The following LILRB4 variants were observed in gnomAD, a reference collection of about 807,000 sequenced individuals.
LILRB4 encodes the protein leukocyte immunoglobulin like receptor B4, also known as leukocyte immunoglobulin-like receptor subfamily B member 4.
A neutral mutation model predicts 55.2 loss-of-function variants in LILRB4; 49 were observed. The observed-to-expected ratio is 0.89, with a 90% CI of 0.71 to 1.13. The LOEUF is 1.13. Among genes scored for constraint, LILRB4 ranks in the 50% most tolerant of loss-of-function variants. LILRB4 has a pLI of 0.00. For synonymous variants in LILRB4, 229 were observed against 213.8 expected, an observed-to-expected ratio of 1.07 and a Z score of -0.62; for missense variants, 590 against 555.2, an observed-to-expected ratio of 1.06 and a Z score of -0.63.
In LILRB4 at chr19:54,665,750, G is replaced by C. The variant is rs2065234424; in HGVS notation, c.758-65G>C. ...AAGAAAGACCCAGCACACACAGTAGGTGCACACACAGTAGGTGTGCACATC... is the reference window on the plus strand; with the variant it reads ...AAGAAAGACCCAGCACACACAGTAGCTGCACACACAGTAGGTGTGCACATC... On this transcript the variant is annotated intron_variant, in intron 6 of 11. Transcript: ENST00000430952. This position sits in a 1 kb window ranked among gnomAD's most constrained non-coding sequence, Gnocchi z 5.5. 1.3e-5 allele frequency: 20 copies of C among 1,537,876 alleles called. No individual in the cohort carries two copies. Among genetic ancestry groups the C allele is most frequent in the Non-Finnish European group, 1.7e-5 (19 of 1,133,530 alleles).
At position 54,664,818 on chromosome 19, in the gene LILRB4, G is replaced by T. The variant is rs766981226; in HGVS notation, c.675G>T (p.Arg225Ser). 19 of 1,606,352 alleles carry T rather than the reference G, an allele frequency of 1.2e-5. No individual in the cohort carries two copies. In the Admixed American group the frequency reaches 1.7e-4, roughly 14 times the overall value. The change falls in exon 5 of 12, where the codon AGG (arginine) becomes AGT (serine). Residue 225 changes from arginine to serine, a missense_variant. Arg to Ser is a moderately radical substitution (Grantham distance 110, BLOSUM62 -1). Transcript: ENST00000430952. The stretch of plus-strand genomic sequence containing the variant: ...ACCCAGGATCCTTGGAGGGTCCCAG[G>T]CCCTCACCCACAAGGTCCGTCTCAA...
rs1568636895 is a variant in LILRB4, at chr19:54,663,081, AGG to A, written c.34+18_34+19del. 4.4e-6 allele frequency: 7 copies of A among 1,605,834 alleles called. No individual in the cohort carries two copies. The highest frequency in any genetic ancestry group is 1.7e-4 in the Middle Eastern group (1 of 6,006). On this transcript the variant is annotated intron_variant, in intron 1 of 11. Coordinates refer to ENST00000430952, the Ensembl canonical transcript of LILRB4. ...TGCTCTGCCTCGGTGAGATTTAAAG[AGG>A]GGGAGGGGAGACCCGAGTCTTGGAG...
chr19:54,666,380 C>T lies in LILRB4; in HGVS notation c.951-19C>T. 4.3e-6 allele frequency: 7 copies of T among 1,613,724 alleles called. No homozygotes were observed. Among genetic ancestry groups the T allele is most frequent in the Non-Finnish European group, 5.9e-6 (7 of 1,179,694 alleles). On this transcript the variant is annotated intron_variant, in intron 8 of 11. Transcript: ENST00000430952. This position sits in a 1 kb window ranked among gnomAD's most constrained non-coding sequence, Gnocchi z 4.8. ...ACAGCCACCTCACTGTCCCCTTACACTCCCGTATCCTCCCCCAGGTCCAGC... is the reference window on the plus strand; with the variant it reads ...ACAGCCACCTCACTGTCCCCTTACATTCCCGTATCCTCCCCCAGGTCCAGC...
Position 54,666,612 on chromosome 19 carries a change from T to A in LILRB4, c.989-85T>A. 1.3e-6 allele frequency: 2 copies of A among 1,494,606 alleles called. No individual in the cohort carries two copies. Among genetic ancestry groups the A allele is most frequent in the Non-Finnish European group, 1.8e-6 (2 of 1,081,660 alleles). 92.6% of individuals were successfully genotyped at this position (1,494,606 alleles called of 1,614,324 possible). ...GCCCCTCCCTGCGTTGCAGTGGCAC[T>A]AATGGGAACAGGGCAGGGACCAGCA... On this transcript the variant is annotated intron_variant, in intron 9 of 11. Coordinates refer to ENST00000430952, the Ensembl canonical transcript of LILRB4. This position sits in a 1 kb window ranked among gnomAD's most constrained non-coding sequence, Gnocchi z 4.8.
At position 54,666,534 on chromosome 19, in the gene LILRB4, G is replaced by C. The variant is rs1194568442; in HGVS notation, c.988+98G>C. ...GGAGCACAGGCTAGGATTGGTCAGG[G>C]ACTCAGGGAGAAGTGGTCTGAACCC... On this transcript the variant is annotated intron_variant, in intron 9 of 11. Coordinates refer to ENST00000430952, the Ensembl canonical transcript of LILRB4. The surrounding 1 kb of genome is among the most constrained non-coding windows in gnomAD (Gnocchi z 4.8). 1 of 1,503,878 alleles carries C rather than the reference G, an allele frequency of 6.6e-7. No individual in the cohort carries two copies. Among genetic ancestry groups the C allele is most frequent in the South Asian group, 1.2e-5 (1 of 83,882 alleles). 93.2% of individuals were successfully genotyped at this position (1,503,878 alleles called of 1,614,324 possible). A position where few individuals can be genotyped will look rare whatever the true frequency, so the allele number is the denominator to read the frequency against.
intron 4 of LILRB4, 115 bp from the exon 5 acceptor site, chr19:54,664,684 G>A (rs1363055138): frequency 8.7e-6 from 9 of 1,038,436 alleles, no homozygotes; most frequent in Admixed American, 7.8e-5. Context: ...GGTGCCAGGT[G>A]GACAGAGAAA....
intron 1 of LILRB4, 98 bp from the exon 2 acceptor site, chr19:54,663,434 A>G (rs2065100139): frequency 3.1e-6 from 4 of 1,291,962 alleles, no homozygotes; most frequent in Admixed American, 4.5e-5. Flanking sequence ...TGACAGCGAG[A>G]CTCCGTCTCA....
chr19:54,664,970 A>T, intron 5 of LILRB4, 121 bp downstream of exon 5: 1 of 1,356,166 alleles, frequency 7.4e-7, no homozygotes, highest in East Asian at 2.4e-5. Flanking sequence ...CGGGTGTGGG[A>T]GTCGGGCAGC....
At position 54,664,537 on chromosome 19, in the gene LILRB4, T is replaced by G. The variant is rs749125773; in HGVS notation, c.655+52T>G. 2.0e-6 allele frequency: 3 copies of G among 1,527,864 alleles called. No individual in the cohort carries two copies. The Admixed American group carries it at 5.7e-5, about 29-fold the overall frequency. 94.6% of individuals were successfully genotyped at this position (1,527,864 alleles called of 1,614,324 possible). ...GAGCTCAGTGGCTCCGTTCATGCCC[T>G]GCTGCCAGGAGAGCTCTGGGCAGGG... On this transcript the variant is annotated intron_variant, in intron 4 of 11. Coordinates refer to ENST00000430952, the Ensembl canonical transcript of LILRB4.
intron 1 of LILRB4, among the ~76,000 whole-genome samples, chr19:54,663,295 A>G (rs2065089358): frequency 6.6e-6 from 1 of 151,572 alleles, no homozygotes; most frequent in Admixed American, 6.6e-5. Context: ...AAATACAAAA[A>G]ATTAGCCGGG....
chr19:54,668,253 A>C, exon 12 of LILRB4: 1 of 519,104 alleles, frequency 1.9e-6, no homozygotes, highest in Non-Finnish European at 3.4e-6. Flanking sequence ...TGATAAAACA[A>C]AACAGAAGTC....
exon 3 of LILRB4, chr19:54,663,859 G>T: frequency 1.2e-6 from 2 of 1,614,126 alleles, no homozygotes; most frequent in South Asian, 2.2e-5. Context: ...CGGGAGTACC[G>T]TCTGGATAAA....
In LILRB4 at chr19:54,666,482, C is replaced by T. The variant is rs770118339; in HGVS notation, c.988+46C>T. The stretch of plus-strand genomic sequence containing the variant: ...GTGCACCTGGGGTGGAGCTGGGGGT[C>T]CCAAAATTTCAATAGCAATGGGGGC... On this transcript the variant is annotated intron_variant, in intron 9 of 11. Transcript: ENST00000430952. The surrounding 1 kb of genome is among the most constrained non-coding windows in gnomAD (Gnocchi z 4.8). 10 of 1,604,528 alleles carry T rather than the reference C, an allele frequency of 6.2e-6. No individual in the cohort carries two copies. The South Asian group carries it at 8.9e-5, about 14-fold the overall frequency.
chr19:54,663,395 A>G lies in LILRB4; in HGVS notation c.35-137A>G, dbSNP rs549654197. 1.2e-3 allele frequency: 1,567 copies of G among 1,303,184 alleles called. 3 individuals are homozygous for G. Among genetic ancestry groups the G allele is most frequent in the Middle Eastern group, 2.2e-3 (8 of 3,562 alleles). 80.7% of individuals were successfully genotyped at this position (1,303,184 alleles called of 1,614,324 possible). A position where few individuals can be genotyped will look rare whatever the true frequency, so the allele number is the denominator to read the frequency against. On this transcript the variant is annotated intron_variant, in intron 1 of 11. Coordinates refer to ENST00000430952, the Ensembl canonical transcript of LILRB4. Reference sequence around the variant, plus strand: ...CGGGAGGCGGAGCTTGCAGTGAGCCAAGATCGCACCACCGCACTCCAGCCT... The same window carrying G: ...CGGGAGGCGGAGCTTGCAGTGAGCCGAGATCGCACCACCGCACTCCAGCCT...
chr19:54,667,471 C>T (rs1229073146), intron 10 of LILRB4, 164 bp from the exon 11 acceptor site: 2 of 1,376,992 alleles, frequency 1.5e-6, no homozygotes, highest in Non-Finnish European at 9.7e-7. Context: ...GAGCAGAGAC[C>T]AGAACCACAG....
Position 54,663,653 on chromosome 19 carries a change from T to G in LILRB4, c.70+86T>G, listed in dbSNP as rs780478488. 4.4e-5 allele frequency: 71 copies of G among 1,610,682 alleles called. No individual in the cohort carries two copies. In the Admixed American group the frequency reaches 6.9e-4, roughly 16 times the overall value. Reference sequence around the variant, plus strand: ...GGGCAGCTGGGGGAGGAGACAGCAGTTCTGGGTGACTGATGAGGATGACGG... The same window carrying G: ...GGGCAGCTGGGGGAGGAGACAGCAGGTCTGGGTGACTGATGAGGATGACGG... On this transcript the variant is annotated intron_variant, in intron 2 of 11. Coordinates refer to ENST00000430952, the Ensembl canonical transcript of LILRB4.
Position 54,665,880 on chromosome 19 carries a change from C to T in LILRB4, c.823C>T (p.Leu275Phe). Reference sequence around the variant, plus strand: ...GGTCTCCATCCTGCTTCTCTCCCTCCTCCTCTTCCTCCTCCTCCAACACTG... The same window carrying T: ...GGTCTCCATCCTGCTTCTCTCCCTCTTCCTCTTCCTCCTCCTCCAACACTG... The change falls in exon 7 of 12, where the codon CTC becomes TTC. Residue 275 changes from leucine to phenylalanine, a missense_variant. Leu to Phe is a conservative substitution (Grantham distance 22). Coordinates refer to ENST00000430952, the Ensembl canonical transcript of LILRB4. This position sits in a 1 kb window ranked among gnomAD's most constrained non-coding sequence, Gnocchi z 5.5. 6.2e-7 allele frequency: 1 copy of T among 1,613,856 alleles called. No individual in the cohort carries two copies. The highest frequency in any genetic ancestry group is 8.5e-7 in the Non-Finnish European group (1 of 1,179,942).
rs759949146 is a variant in LILRB4 at position 54,664,782 on chromosome 19, C to T, written c.656-17C>T. 2.6e-6 allele frequency: 4 copies of T among 1,560,956 alleles called. No individual in the cohort carries two copies. In the Admixed American group the frequency reaches 5.6e-5, roughly 22 times the overall value. On this transcript the variant is annotated splice_polypyrimidine_tract_variant and intron_variant, in intron 4 of 11. Coordinates refer to ENST00000430952, the Ensembl canonical transcript of LILRB4. The stretch of plus-strand genomic sequence containing the variant: ...GGCAACCCCAGACTCTCACCCTCCT[C>T]TTGTCCTTCTACCCAGGATCCTTGG...
chr19:54,664,220 G>A (rs372420039), exon 4 of LILRB4: 25 of 1,613,854 alleles, frequency 1.5e-5, no homozygotes, highest in East Asian at 2.2e-5. Context: ...CAGCCCTGCC[G>A]AGTCCTCTTG....
Sources: allele counts gnomAD v4.1 joint callset (sites outside exome capture counted in the v4.1 genomes callset), GRCh38; gene constraint gnomAD v4.1.1; non-coding constraint Gnocchi (gnomAD v3.1); transcripts MANE v1.5; gene names NCBI Gene and HGNC (gene_info 2026-07-23, HGNC 2026-07-21).